WWOX: variants seen among roughly 807,000 people sequenced by gnomAD.
WWOX encodes WW domain containing oxidoreductase.
In WWOX, 69 loss-of-function variants were observed where a neutral mutation model predicts 46.2. The observed-to-expected ratio is 1.49, with a 90% confidence interval of 1.23 to 1.82. The LOEUF (loss-of-function observed/expected upper bound fraction) is 1.82. Among genes scored for constraint, WWOX ranks in the 40% most tolerant of loss-of-function variants. The probability of loss-of-function intolerance (pLI) is 0.00; values close to 1 mark genes in which losing one functional copy is unlikely to be tolerated. For synonymous variants in WWOX, 359 were observed against 202.6 expected (o/e 1.77, Z -6.56); for missense variants, 919 against 542.6 (o/e 1.69, Z -6.89).
chr16:79,039,772 C>G (rs955317797), intron 8 of WWOX, among the ~76,000 whole-genome samples: 1 of 152,182 alleles, frequency 6.6e-6, no homozygotes, highest in African/African-American at 2.4e-5. Flanking sequence ...TCAGTTTTCT[C>G]ACCTCGAAAT....
chr16:78,500,144 C>T (rs993928119), intron 8 of WWOX, among the ~76,000 whole-genome samples: 1 of 152,082 alleles, frequency 6.6e-6, no homozygotes, highest in Non-Finnish European at 1.5e-5. Context: ...CATTTTGAGC[C>T]AAGGATAGCT....
chr16:78,273,865 G>A (rs1466508137), intron 5 of WWOX, among the ~76,000 whole-genome samples: 1 of 152,154 alleles, frequency 6.6e-6, no homozygotes, highest in East Asian at 1.9e-4. Flanking sequence ...CAGTCATACT[G>A]AATTCATGAC....
chr16:78,605,840 T>C (rs1294225930), intron 8 of WWOX, among the ~76,000 whole-genome samples: 1 of 152,126 alleles, frequency 6.6e-6, no homozygotes, highest in East Asian at 1.9e-4. Context: ...GGAGTGTGTG[T>C]GTGTGTTGTT....
chr16:78,501,519 C>T (rs944006131), intron 8 of WWOX, among the ~76,000 whole-genome samples: 6 of 151,672 alleles, frequency 4.0e-5, no homozygotes, highest in African/African-American at 7.3e-5. Flanking sequence ...ACGTTAGAAC[C>T]ACCTGAGAAG....
chr16:78,579,091 T>G (rs2044980438), intron 8 of WWOX, among the ~76,000 whole-genome samples: 1 of 152,214 alleles, frequency 6.6e-6, no homozygotes, highest in Admixed American at 6.5e-5. Flanking sequence ...TCATCATGTT[T>G]GGTCTCTCGT....
chr16:78,099,984 G>A, intron 1 of WWOX, 99 bp downstream of exon 1: 1 of 1,518,708 alleles, frequency 6.6e-7, no homozygotes, highest in South Asian at 1.3e-5. Flanking sequence ...CGCAGCGCGT[G>A]CGGTGCAAAG....
At chr16:79,094,336 C>T (rs1019666547) in intron 8 of WWOX, among the ~76,000 whole-genome samples, 1 of 151,266 alleles carries the variant, frequency 6.6e-6, no homozygotes, top group African/African-American at 2.4e-5. Context: ...TCGCTGCAAA[C>T]TCCAACTGGT....
intron 8 of WWOX, among the ~76,000 whole-genome samples, chr16:78,521,614 C>T (rs2043349799): frequency 6.6e-6 from 1 of 152,170 alleles, no homozygotes; most frequent in Non-Finnish European, 1.5e-5. Flanking sequence ...TATATAAATT[C>T]TGAGTAAGTA....
At chr16:79,030,655 G>A (rs893706457) in intron 8 of WWOX, among the ~76,000 whole-genome samples, 1 of 152,198 alleles carries the variant, frequency 6.6e-6, no homozygotes, top group African/African-American at 2.4e-5. Flanking sequence ...TGGCTTTGAA[G>A]CATCATGCAC....
At chr16:78,367,850 G>A (rs1329009997) in intron 5 of WWOX, among the ~76,000 whole-genome samples, 1 of 151,914 alleles carries the variant, frequency 6.6e-6, no homozygotes, top group Non-Finnish European at 1.5e-5. Context: ...TCTGCCTCCC[G>A]AGTTCAAGCT....
intron 8 of WWOX, among the ~76,000 whole-genome samples, chr16:79,092,389 A>G (rs556131011): frequency 1.3e-5 from 2 of 152,330 alleles, no homozygotes; most frequent in South Asian, 2.1e-4. Flanking sequence ...TTTAATATTA[A>G]TAAAGCCAGA....
At chr16:79,124,454 G>A (rs1437228940) in intron 8 of WWOX, among the ~76,000 whole-genome samples, 1 of 152,140 alleles carries the variant, frequency 6.6e-6, no homozygotes, top group Non-Finnish European at 1.5e-5. Context: ...TAAGGGAAAG[G>A]AAGACAGGGC....
chr16:79,203,682 C>T (rs1353880208), intron 8 of WWOX: 1 of 152,134 alleles, frequency 6.6e-6, no homozygotes, highest in Non-Finnish European at 1.5e-5. Context: ...ATTTTGCAGG[C>T]AGACTTCGTA....
chr16:78,806,038 T>C (rs1415235979), intron 8 of WWOX, among the ~76,000 whole-genome samples: 1 of 152,200 alleles, frequency 6.6e-6, no homozygotes, highest in African/African-American at 2.4e-5. Context: ...CCAAAGCCAC[T>C]TGAGGCTCTA....
chr16:79,144,430 A>C (rs1013316329), intron 8 of WWOX, among the ~76,000 whole-genome samples: 1 of 152,222 alleles, frequency 6.6e-6, no homozygotes, highest in Non-Finnish European at 1.5e-5. Context: ...CCTTGTACAG[A>C]GAGAACTGGA....
chr16:79,086,280 T>A lies in WWOX; in HGVS notation c.1057-125328T>A, dbSNP rs140518710. ...GGCAACTTTTCATCCTTCCAATTGT[T>A]AAGTTCTAGTTTCTTATTACAAATT... On this transcript the variant is annotated intron_variant, in intron 8 of 8. Coordinates refer to ENST00000566780, the MANE Select transcript of WWOX (RefSeq NM_016373.4). Among the ~76,000 whole-genome samples, 1,156 of 152,054 alleles carry A rather than the reference T, an allele frequency of 7.6e-3. 11 individuals are homozygous for A. Among genetic ancestry groups the A allele is most frequent in the African/African-American group, 0.023 (935 of 41,292 alleles).
In WWOX at chr16:78,567,649, C is replaced by T. The variant is rs183913822; in HGVS notation, c.1056+134897C>T. 5.7e-4 allele frequency among the ~76,000 whole-genome samples: 86 copies of T among 151,872 alleles called. 1 individual carries two copies. The highest frequency in any genetic ancestry group is 1.9e-3 in the African/African-American group (79 of 41,382). On this transcript the variant is annotated intron_variant, in intron 8 of 8. Transcript: ENST00000566780. Reference sequence around the variant, plus strand: ...GCCTGCTATTGTATTTAAAGGGTGCCCTTTGCTGCGTAACTAGGGCAAAGA... The same window carrying T: ...GCCTGCTATTGTATTTAAAGGGTGCTCTTTGCTGCGTAACTAGGGCAAAGA...
At chr16:79,045,237 A>G (rs1340212599) in intron 8 of WWOX, among the ~76,000 whole-genome samples, 1 of 152,356 alleles carries the variant, frequency 6.6e-6, no homozygotes, top group African/African-American at 2.4e-5. Flanking sequence ...CATTTCAGCA[A>G]GAGCTTTCTA....
At chr16:78,541,920 T>A (rs2043906195) in intron 8 of WWOX, among the ~76,000 whole-genome samples, 1 of 151,122 alleles carries the variant, frequency 6.6e-6, no homozygotes, top group Non-Finnish European at 1.5e-5. Context: ...AAATTTGTTT[T>A]GTTTGTAAGA....
Sources: gnomAD v4.1 joint callset for allele counts (sites outside exome capture counted in the v4.1 genomes callset) on GRCh38, gnomAD v4.1.1 for gene constraint, MANE v1.5 for transcripts, NCBI Gene and HGNC (gene_info 2026-07-23, HGNC 2026-07-21) for gene names.